Variants in CACNA2D2 observed in about 807,000 individuals in gnomAD.
CACNA2D2 encodes the protein calcium voltage-gated channel auxiliary subunit alpha2delta 2.
Under a neutral mutation model 166.4 loss-of-function variants are expected in CACNA2D2, and 48 were observed. The observed-to-expected ratio is 0.29, with a 90% CI of 0.23 to 0.37. The LOEUF (loss-of-function observed/expected upper bound fraction) is 0.37, where lower values mean the gene tolerates loss of function less well. Ranked by LOEUF, CACNA2D2 falls within the 10% of genes least tolerant of loss-of-function variation. The probability of loss-of-function intolerance (pLI) is 1.00; values close to 1 mark genes in which losing one functional copy is unlikely to be tolerated. For synonymous variants in CACNA2D2, 561 were observed against 573.7 expected (o/e 0.98, Z 0.32); for missense variants, 1,122 against 1,433.0 (o/e 0.78, Z 3.50).
chr3:50,387,630 G>T lies in CACNA2D2; in HGVS notation c.466-18C>A, dbSNP rs1261264644. The T allele has an allele frequency of 1.2e-6, 2 of 1,606,040 alleles. No homozygotes were observed. Among genetic ancestry groups the T allele is most frequent in the African/African-American group, 1.3e-5 (1 of 74,788 alleles). Reference sequence around the variant, plus strand: ...TCTTCCTCCTGGTGAGGGGAGAGAGGCCTCAGCACTAGCTGCTCAGGGTCC... The same window carrying T: ...TCTTCCTCCTGGTGAGGGGAGAGAGTCCTCAGCACTAGCTGCTCAGGGTCC... On this transcript the variant is annotated intron_variant, in intron 4 of 37. Coordinates refer to ENST00000424201, the MANE Select transcript of CACNA2D2 (RefSeq NM_006030.4).
At chr3:50,470,210 T>C (rs2107058654) in intron 2 of CACNA2D2, among the ~76,000 whole-genome samples, 1 of 152,292 alleles carries the variant, frequency 6.6e-6, no homozygotes. Context: ...CTCTACCTTG[T>C]CTAGGCTGTT....
intron 2 of CACNA2D2, among the ~76,000 whole-genome samples, chr3:50,472,205 TC>T (rs1710128117): frequency 6.6e-6 from 1 of 152,208 alleles, no homozygotes; most frequent in South Asian, 2.1e-4. Flanking sequence ...GGCCTCGGTT[TC>T]CCCATTTGTA....
At chr3:50,480,149 A>G (rs951190043) in intron 1 of CACNA2D2, among the ~76,000 whole-genome samples, 6 of 152,186 alleles carry the variant, frequency 3.9e-5, no homozygotes, top group African/African-American at 1.4e-4. Context: ...ACAGGGTCAC[A>G]TACTTAAAGA....
rs140305683 is a variant in CACNA2D2 at position 50,366,589 on chromosome 3, C to T, written c.2626G>A (p.Val876Ile). ...CAGGGCACACACACCTCATTGTTAA[C>T]CTCGCAGTCCATCTCACAGTGGCTG... ...PNSHCEMDCE[V>I]NNEDLLCVLI... The change falls in exon 30 of 38, where the codon GTT (valine) becomes ATT (isoleucine). Residue 876 changes from valine to isoleucine, a missense_variant. This residue lies in a region of CACNA2D2 where 840 missense variants were observed against 1,166.8 expected (regional missense o/e 0.72). Transcript: ENST00000424201. This position sits in a 1 kb window ranked among gnomAD's most constrained non-coding sequence, Gnocchi z 5.9. 6.2e-7 allele frequency: 1 copy of T among 1,614,020 alleles called. No homozygotes were observed. Among genetic ancestry groups the T allele is most frequent in the South Asian group, 1.1e-5 (1 of 91,086 alleles).
chr3:50,371,346 A>ATG (rs35155126), intron 22 of CACNA2D2, among the ~76,000 whole-genome samples: 22,851 of 148,390 alleles, frequency 0.15, 2,912 homozygotes, highest in East Asian at 0.68. Flanking sequence ...GTGAGCATGC[A>ATG]TGTGTGTGTG....
chr3:50,425,499 G>T (rs1158468831), intron 3 of CACNA2D2, among the ~76,000 whole-genome samples: 2 of 152,182 alleles, frequency 1.3e-5, no homozygotes, highest in East Asian at 3.8e-4. Flanking sequence ...GGGCCCGAGG[G>T]CAGGGATCAT....
rs28493735 is a variant in CACNA2D2, at chr3:50,445,797, G to A, written c.289-11368C>T. Among the ~76,000 whole-genome samples the A allele has an allele frequency of 6.8e-3, 1,040 of 152,262 alleles. 12 individuals carry two copies. Among genetic ancestry groups the A allele is most frequent in the East Asian group, 0.049 (252 of 5,174 alleles). ...CCATTTTGGACCTGAAAAATGCAGG[G>A]GTGGGGTTACCACCCAAAGCTTTCC... On this transcript the variant is annotated intron_variant, in intron 2 of 37. Transcript: ENST00000424201.
Position 50,379,552 on chromosome 3 carries a change from G to C in CACNA2D2, c.1032C>G (p.His344Gln). The C allele has an allele frequency of 6.2e-7, 1 of 1,614,018 alleles. No homozygotes were observed. Among genetic ancestry groups the C allele is most frequent in the East Asian group, 2.2e-5 (1 of 44,894 alleles). ...EKAQPVSCFTHLVQANVRNKK... is the reference protein window; with the variant it reads ...EKAQPVSCFTQLVQANVRNKK... The stretch of plus-strand genomic sequence containing the variant: ...TGTTGCGCACATTGGCCTGCACCAG[G>C]TGTGTGAAGCATGACACAGGCTGTG... Residue 344 changes from histidine to glutamine, a missense_variant, in exon 11 of 38, where the codon CAC becomes CAG. This residue lies in a region of CACNA2D2 where 840 missense variants were observed against 1,166.8 expected (regional missense o/e 0.72). Coordinates refer to ENST00000424201, the MANE Select transcript of CACNA2D2 (RefSeq NM_006030.4). This position sits in a 1 kb window ranked among gnomAD's most constrained non-coding sequence, Gnocchi z 6.5.
intron 3 of CACNA2D2, among the ~76,000 whole-genome samples, chr3:50,407,312 T>C (rs1009226643): frequency 6.6e-6 from 1 of 151,840 alleles, no homozygotes; most frequent in African/African-American, 2.4e-5. Flanking sequence ...TAAGGCCTGT[T>C]TGTGGCTTTT....
intron 1 of CACNA2D2, among the ~76,000 whole-genome samples, chr3:50,479,628 C>T (rs1697957339): frequency 6.6e-6 from 1 of 152,204 alleles, no homozygotes; most frequent in Non-Finnish European, 1.5e-5. Flanking sequence ...AGAAGCCACC[C>T]ACCAAGCCAG....
rs1160720032 is a variant in CACNA2D2, at chr3:50,367,626, G to C, written c.2297+16C>G. On this transcript the variant is annotated intron_variant, in intron 26 of 37. Transcript: ENST00000424201. The surrounding 1 kb of genome is among the most constrained non-coding windows in gnomAD (Gnocchi z 6.5). ...CTGGCAGGGGCAGGGTTTGGGTAGT[G>C]GGATAGGTCACTTACTTGTTGGGGA... The C allele has an allele frequency of 1.9e-6, 3 of 1,610,912 alleles. No individual in the cohort carries two copies. Among genetic ancestry groups the C allele is most frequent in the Non-Finnish European group, 2.5e-6 (3 of 1,177,610 alleles).
At chr3:50,401,269 TA>T (rs1706439073) in intron 3 of CACNA2D2, among the ~76,000 whole-genome samples, 1 of 152,130 alleles carries the variant, frequency 6.6e-6, no homozygotes, top group African/African-American at 2.4e-5. Flanking sequence ...ATTTTTTTTT[TA>T]ATTTAAAAAA....
chr3:50,429,495 G>A (rs1444254768), intron 3 of CACNA2D2, among the ~76,000 whole-genome samples: 1 of 147,886 alleles, frequency 6.8e-6, no homozygotes, highest in Non-Finnish European at 1.5e-5. Flanking sequence ...GCTCACGCCA[G>A]TAATCCCAGC....
chr3:50,457,907 T>G (rs770548204), intron 2 of CACNA2D2, among the ~76,000 whole-genome samples: 1 of 152,016 alleles, frequency 6.6e-6, no homozygotes, highest in Non-Finnish European at 1.5e-5. Flanking sequence ...CTAATGAGGG[T>G]AAGGGTATGG....
At chr3:50,466,131 G>C (rs1255704052) in intron 2 of CACNA2D2, among the ~76,000 whole-genome samples, 1 of 152,152 alleles carries the variant, frequency 6.6e-6, no homozygotes, top group Non-Finnish European at 1.5e-5. Context: ...GATCTCCACA[G>C]TAGGGATCTT....
intron 3 of CACNA2D2, among the ~76,000 whole-genome samples, chr3:50,413,032 G>A (rs1402967113): frequency 1.3e-5 from 2 of 152,260 alleles, no homozygotes; most frequent in Admixed American, 1.3e-4. Context: ...TCCCCACCTT[G>A]TGCTCTGCTG....
chr3:50,395,380 C>T (rs1190672306), intron 3 of CACNA2D2, among the ~76,000 whole-genome samples: 1 of 152,142 alleles, frequency 6.6e-6, no homozygotes, highest in Non-Finnish European at 1.5e-5. Context: ...ATGCATTTGT[C>T]TTGCTCAGCC....
intron 3 of CACNA2D2, among the ~76,000 whole-genome samples, chr3:50,396,532 C>T (rs115642071): frequency 1.4e-3 from 215 of 152,266 alleles, no homozygotes; most frequent in Non-Finnish European, 2.4e-3. Context: ...AAATGCCTGC[C>T]CACGCCGACC....
chr3:50,462,149 C>T (rs1368195043), intron 2 of CACNA2D2, among the ~76,000 whole-genome samples: 2 of 151,870 alleles, frequency 1.3e-5, no homozygotes, highest in African/African-American at 2.4e-5. Flanking sequence ...TTTGGGAGGC[C>T]GAGGCAGGGG....
Sources: gnomAD v4.1 joint callset for allele counts (sites outside exome capture counted in the v4.1 genomes callset) on GRCh38, gnomAD v4.1.1 for gene constraint, gnomAD v4.1.1 regional missense constraint, Gnocchi (gnomAD v3.1) non-coding constraint, MANE v1.5 for transcripts, NCBI Gene and HGNC (gene_info 2026-07-23, HGNC 2026-07-21) for gene names.